The following C9orf43 variants were observed in gnomAD, a reference collection of about 807,000 sequenced individuals.
The protein encoded by C9orf43 is chromosome 9 open reading frame 43.
Under a neutral mutation model 59.1 loss-of-function variants are expected in C9orf43, and 45 were observed. The ratio of observed to expected loss-of-function variants is 0.76; its 90% CI spans 0.60 to 0.98. The LOEUF is 0.98. C9orf43 is among the 50% of genes least tolerant of loss of function. The pLI, the probability that C9orf43 is intolerant of heterozygous loss-of-function variation, is 0.00. For synonymous variants in C9orf43, 203 were observed against 196.8 expected (o/e 1.03, Z -0.26); for missense variants, 533 against 554.9 (o/e 0.96, Z 0.40).
rs367568001 is a variant in C9orf43 at position 113,413,602 on chromosome 9, C to T, written c.109C>T (p.Arg37Ter). The change falls in exon 2 of 14, where the codon CGA becomes TGA. Residue 37 changes from arginine (R) to a stop codon, truncating the protein, a stop_gained. Coordinates refer to ENST00000374165, the MANE Select transcript of C9orf43 (RefSeq NM_001278629.2). LOFTEE classifies it high-confidence loss of function. ...TIRRIERGHP[R>*]ILGSSCKTPL... ...CCGCCGCATTGAGAGGGGCCATCCT[C>T]GAATCCTCGGCTCATCCTGCAAAAC... 7.4e-6 allele frequency: 12 copies of T among 1,614,224 alleles called. No individual in the cohort carries two copies. Among genetic ancestry groups the T allele is most frequent in the East Asian group, 6.7e-5 (3 of 44,890 alleles).
chr9:113,421,344 C>T, intron 5 of C9orf43, 141 bp downstream of exon 5: 2 of 618,772 alleles, frequency 3.2e-6, no homozygotes, highest in Non-Finnish European at 5.8e-6. Flanking sequence ...TGGTCTGTTG[C>T]ATCTGCCTTT....
chr9:113,429,026 T>C, intron 13 of C9orf43, 63 bp downstream of exon 13: 1 of 1,534,936 alleles, frequency 6.5e-7, no homozygotes, highest in South Asian at 1.1e-5. Context: ...TGAACCTGTG[T>C]TGACCAGGAT....
Position 113,429,611 on chromosome 9 carries a change from CT to C in C9orf43, c.*230del. The C allele has an allele frequency of 2.0e-6, 1 of 492,322 alleles. No homozygotes were observed. The highest frequency in any genetic ancestry group is 3.6e-6 in the Non-Finnish European group (1 of 279,704). 30.5% of individuals were successfully genotyped at this position (492,322 alleles called of 1,614,324 possible). On this transcript the variant is annotated 3_prime_UTR_variant, in exon 14 of 14. Transcript: ENST00000374165. ...TAAATGTAGGAGAAAAATCCCCAGC[CT>C]TTTTAAATTTAGATTATTTCCTTTC...
chr9:113,424,238 T>A lies in C9orf43; in HGVS notation c.729T>A (p.Asn243Lys). The change falls in exon 8 of 14, where the codon AAT becomes AAA. Residue 243 changes from asparagine to lysine, a missense_variant. By Grantham distance (94) the Asn-to-Lys change is moderately conservative (BLOSUM62 0). Transcript: ENST00000374165. The part of the protein sequence containing the change: ...MKIKLAMMKK[N>K]LPLEKNRPDS... ...TAAAATTGGCCATGATGAAAAAGAA[T>A]CTTCCCTTGGAAAAGAACCGACCTG... 1 of 1,613,422 alleles carries A rather than the reference T, an allele frequency of 6.2e-7. No homozygotes were observed.
chr9:113,412,010 C>A (rs894442507), intron 1 of C9orf43, among the ~76,000 whole-genome samples: 3 of 152,136 alleles, frequency 2.0e-5, no homozygotes, highest in Non-Finnish European at 4.4e-5. Context: ...TTTTTCCCGT[C>A]AAGCATGCAG....
At chr9:113,418,433 T>C (rs780878101) in intron 3 of C9orf43, among the ~76,000 whole-genome samples, 1 of 152,216 alleles carries the variant, frequency 6.6e-6, no homozygotes, top group Non-Finnish European at 1.5e-5. Context: ...CCCCAGTGGA[T>C]GCCTGAAACT....
intron 3 of C9orf43, among the ~76,000 whole-genome samples, chr9:113,417,479 T>G (rs1289319013): frequency 6.6e-6 from 1 of 152,222 alleles, no homozygotes; most frequent in East Asian, 1.9e-4. Flanking sequence ...ACATACAGTC[T>G]TTATCCTCAA....
intron 8 of C9orf43, 62 bp from the exon 9 acceptor site, chr9:113,424,957 T>C: frequency 7.1e-7 from 1 of 1,414,050 alleles, no homozygotes; most frequent in Non-Finnish European, 9.8e-7. Context: ...ATTTGGGGGA[T>C]ACATTTGGAG....
chr9:113,424,448 A>G (rs1828705695), intron 8 of C9orf43, 132 bp downstream of exon 8: 5 of 917,268 alleles, frequency 5.5e-6, no homozygotes, highest in Admixed American at 2.7e-5. Flanking sequence ...TGCCCCAGAG[A>G]AGGCTGGGCT....
Position 113,428,287 on chromosome 9 carries a change from C to G in C9orf43, c.1107+64C>G. 4 of 1,413,394 alleles carry G rather than the reference C, an allele frequency of 2.8e-6. No homozygotes were observed. The East Asian group carries it at 6.8e-5, about 24-fold the overall frequency. 87.6% of individuals were successfully genotyped at this position (1,413,394 alleles called of 1,614,324 possible). A position where few individuals can be genotyped will look rare whatever the true frequency, so the allele number is the denominator to read the frequency against. ...AGTTATCTATTACTATGTAACAACC[C>G]CAAAGCTTAACCATAATGATTTGCT... On this transcript the variant is annotated intron_variant, in intron 12 of 13. Coordinates refer to ENST00000374165, the MANE Select transcript of C9orf43 (RefSeq NM_001278629.2).
chr9:113,428,770 T>C lies in C9orf43; in HGVS notation c.1108-130T>C, dbSNP rs1438580985. 7.8e-6 allele frequency: 6 copies of C among 766,028 alleles called. No individual in the cohort carries two copies. The Admixed American group carries it at 1.3e-4, about 17-fold the overall frequency. 47.5% of individuals were successfully genotyped at this position (766,028 alleles called of 1,614,324 possible). On this transcript the variant is annotated intron_variant, in intron 12 of 13. Transcript: ENST00000374165. ...AAAGAACGTGTGGTAAAAGCTTCTCTTCAGTCCCAAGAGGTGGGTCTCTGG... is the reference window on the plus strand; with the variant it reads ...AAAGAACGTGTGGTAAAAGCTTCTCCTCAGTCCCAAGAGGTGGGTCTCTGG...
intron 4 of C9orf43, among the ~76,000 whole-genome samples, chr9:113,420,418 A>G (rs1255718812): frequency 1.3e-5 from 2 of 152,246 alleles, no homozygotes; most frequent in African/African-American, 2.4e-5. Flanking sequence ...TGAAGAGATA[A>G]TGTATGAACA....
chr9:113,428,242 C>T lies in C9orf43; in HGVS notation c.1107+19C>T. 6.2e-7 allele frequency: 1 copy of T among 1,609,870 alleles called. No homozygotes were observed. The highest frequency in any genetic ancestry group is 2.2e-5 in the East Asian group (1 of 44,864). ...GAAACAGGTGAGAGTGTACCAAGGC[C>T]TCTGCTAGGACCCAGTTTCAGTTAT... On this transcript the variant is annotated intron_variant, in intron 12 of 13. Coordinates refer to ENST00000374165, the MANE Select transcript of C9orf43 (RefSeq NM_001278629.2).
intron 6 of C9orf43, among the ~76,000 whole-genome samples, 158 bp downstream of exon 6, chr9:113,422,743 C>T (rs980811232): frequency 5.3e-5 from 8 of 152,282 alleles, no homozygotes; most frequent in Middle Eastern, 3.4e-3. Context: ...CCAAACCATT[C>T]TCTATTCAGA....
At chr9:113,423,030 A>G (rs887890332) in intron 6 of C9orf43, among the ~76,000 whole-genome samples, 1 of 152,148 alleles carries the variant, frequency 6.6e-6, no homozygotes, top group Non-Finnish European at 1.5e-5. Context: ...CTGAATCCCC[A>G]TCCCTAGCCC....
At chr9:113,414,546 A>G (rs1828290584) in intron 3 of C9orf43, among the ~76,000 whole-genome samples, 1 of 151,600 alleles carries the variant, frequency 6.6e-6, no homozygotes, top group Non-Finnish European at 1.5e-5. Context: ...TGGCCTCCCA[A>G]ATTGTTGGGA....
At chr9:113,427,264 G>T (rs1828825693) in intron 11 of C9orf43, among the ~76,000 whole-genome samples, 1 of 152,070 alleles carries the variant, frequency 6.6e-6, no homozygotes, top group Admixed American at 6.5e-5. Flanking sequence ...CTGCCTTCTG[G>T]GTCCAGGTTC....
chr9:113,415,609 T>C (rs911756484), intron 3 of C9orf43, among the ~76,000 whole-genome samples: 23 of 152,272 alleles, frequency 1.5e-4, no homozygotes, highest in Non-Finnish European at 1.0e-4. Context: ...TGTCTTTCTA[T>C]AATAATATTT....
rs1424853677 is a variant in C9orf43, at chr9:113,413,841, G to A, written c.234G>A (p.Lys78=). ...ATTTACCAGAATGTACCTTTACTAA[G>A]GCCCATTCTTTATTGTCTCAGAGTT... is the stretch of plus-strand genomic sequence containing the variant. ...AHHLPECTFT[K]AHSLLSQSSK... The change falls in exon 3 of 14, where the codon AAG becomes AAA. Residue 78 remains lysine, a synonymous_variant. Transcript: ENST00000374165. 6.2e-7 allele frequency: 1 copy of A among 1,613,784 alleles called. No homozygotes were observed. The highest frequency in any genetic ancestry group is 1.1e-5 in the South Asian group (1 of 90,966).
Sources: gnomAD v4.1 joint callset for allele counts (sites outside exome capture counted in the v4.1 genomes callset) on GRCh38, gnomAD v4.1.1 for gene constraint, MANE v1.5 for transcripts, NCBI Gene and HGNC (gene_info 2026-07-23, HGNC 2026-07-21) for gene names.